Variants in SLMAP observed in about 807,000 individuals in gnomAD.
The protein encoded by SLMAP is sarcolemma associated protein.
A neutral mutation model predicts 128.8 loss-of-function variants in SLMAP; 44 were observed. That is an observed-to-expected ratio of 0.34 (90% CI 0.27 to 0.44). SLMAP has a LOEUF of 0.44. Among genes scored for constraint, SLMAP ranks in the 20% least tolerant of loss-of-function variants. The probability of loss-of-function intolerance (pLI) is 1.00; values close to 1 mark genes in which losing one functional copy is unlikely to be tolerated. For missense variants in SLMAP, 787 were observed against 985.3 expected (o/e 0.80, Z 2.69); for synonymous variants, 327 against 348.8 (o/e 0.94, Z 0.70).
At chr3:57,788,340 A>G (rs1576494622) in intron 2 of SLMAP, among the ~76,000 whole-genome samples, 1 of 152,218 alleles carries the variant, frequency 6.6e-6, no homozygotes, top group African/African-American at 2.4e-5. Flanking sequence ...TTAGAATAGC[A>G]GTCATGGTGA....
At chr3:57,833,275 C>T (rs1323207698) in intron 3 of SLMAP, among the ~76,000 whole-genome samples, 1 of 152,176 alleles carries the variant, frequency 6.6e-6, no homozygotes, top group Non-Finnish European at 1.5e-5. Context: ...TTATAGAATG[C>T]AACTCTTTCC....
At chr3:57,881,436 G>C (rs1174455946) in intron 14 of SLMAP, among the ~76,000 whole-genome samples, 1 of 152,094 alleles carries the variant, frequency 6.6e-6, no homozygotes, top group East Asian at 1.9e-4. Context: ...AGTGGTTACA[G>C]ACTGTTTTAA....
chr3:57,811,065 ATTT>A (rs1321682256), intron 2 of SLMAP, among the ~76,000 whole-genome samples: 1 of 152,216 alleles, frequency 6.6e-6, no homozygotes, highest in East Asian at 1.9e-4. Context: ...CTTTAAAAAA[ATTT>A]TTATTGTGAT....
At chr3:57,881,455 T>A (rs1427183247) in intron 14 of SLMAP, among the ~76,000 whole-genome samples, 4 of 152,102 alleles carry the variant, frequency 2.6e-5, no homozygotes, top group South Asian at 2.1e-4. Context: ...AAACTAGATT[T>A]TTTATTTATT....
At chr3:57,849,679 C>G in intron 5 of SLMAP, 75 bp from the exon 6 acceptor site, 2 of 802,296 alleles carry the variant, frequency 2.5e-6, no homozygotes, top group South Asian at 2.9e-5. Context: ...AGTAAGTAGA[C>G]ATTTCAAGAA....
intron 17 of SLMAP, chr3:57,901,715 A>G (rs145312037): frequency 1.4e-4 from 21 of 152,384 alleles, no homozygotes; most frequent in African/African-American, 5.1e-4. Context: ...GATGGGGGAA[A>G]TCCTATAAAT....
Position 57,920,486 on chromosome 3 carries a change from G to A in SLMAP, c.2311-2403G>A, listed in dbSNP as rs2096897197. 2.0e-5 allele frequency among the ~76,000 whole-genome samples: 3 copies of A among 151,982 alleles called. No homozygotes were observed. In the South Asian group the frequency reaches 6.2e-4, roughly 32 times the overall value. On this transcript the variant is annotated intron_variant, in intron 22 of 24. Coordinates refer to ENST00000671191, the MANE Select transcript of SLMAP (RefSeq NM_001377540.1). ...CCTTCTTAATATTTATCTTTCTTGA[G>A]CATGATGATGGGCTCCTGATAAGTC...
chr3:57,791,873 T>C (rs1560001507), intron 2 of SLMAP, among the ~76,000 whole-genome samples: 1 of 152,122 alleles, frequency 6.6e-6, no homozygotes, highest in Non-Finnish European at 1.5e-5. Context: ...TTTTGCTTGA[T>C]ATTTTAGATG....
intron 2 of SLMAP, among the ~76,000 whole-genome samples, chr3:57,816,990 G>T (rs1393960746): frequency 2.0e-5 from 3 of 152,186 alleles, no homozygotes; most frequent in Non-Finnish European, 2.9e-5. Flanking sequence ...AAAAGAGGAA[G>T]ATTAGGTTAG....
Position 57,912,420 on chromosome 3 carries a change from G to C in SLMAP, c.1739G>C (p.Arg580Pro). 6.2e-7 allele frequency: 1 copy of C among 1,613,386 alleles called. No homozygotes were observed. ...TTACACATCGATACTGAGAATCTCC[G>C]GGAGGAGAAGGACAGTGAAATCACA... ...QRLHIDTENL[R>P]EEKDSEITST... The change falls in exon 20 of 25, where the codon CGG becomes CCG. Residue 580 changes from arginine to proline, a missense_variant. Arg to Pro is a moderately radical substitution (Grantham distance 103). Around this residue, in one of 2 missense-constraint regions of SLMAP, gnomAD observed 715 missense variants for 843.6 expected, o/e 0.85. Transcript: ENST00000671191.
intron 2 of SLMAP, among the ~76,000 whole-genome samples, chr3:57,762,228 C>T (rs1181654142): frequency 2.0e-5 from 3 of 151,298 alleles, no homozygotes. Flanking sequence ...ATTAGCTGGG[C>T]ATGGTGGCAT....
intron 17 of SLMAP, among the ~76,000 whole-genome samples, chr3:57,905,054 G>C (rs973190802): frequency 3.9e-5 from 6 of 152,098 alleles, no homozygotes; most frequent in Admixed American, 2.6e-4. Context: ...CTGGGCAACA[G>C]AGCAAGACCC....
intron 19 of SLMAP, among the ~76,000 whole-genome samples, 199 bp downstream of exon 19, chr3:57,909,349 A>C (rs1250582150): frequency 6.6e-6 from 1 of 151,794 alleles, no homozygotes; most frequent in Non-Finnish European, 1.5e-5. Context: ...TAAAAATACA[A>C]AAATTAGCTG....
chr3:57,917,637 A>T (rs898391758), intron 22 of SLMAP: 1 of 155,122 alleles, frequency 6.4e-6, no homozygotes, highest in African/African-American at 2.4e-5. Context: ...CTTTTTAAAA[A>T]TTTGTGTTGA....
chr3:57,799,510 A>G (rs1300599987), intron 2 of SLMAP, among the ~76,000 whole-genome samples: 1 of 152,172 alleles, frequency 6.6e-6, no homozygotes, highest in African/African-American at 2.4e-5. Flanking sequence ...ATTACTTAGT[A>G]TTTATATTTC....
At chr3:57,782,056 G>A (rs1019541404) in intron 2 of SLMAP, among the ~76,000 whole-genome samples, 1 of 152,126 alleles carries the variant, frequency 6.6e-6, no homozygotes, top group Non-Finnish European at 1.5e-5. Context: ...GCATATCTCC[G>A]TTAGGTAAAT....
intron 2 of SLMAP, among the ~76,000 whole-genome samples, chr3:57,830,550 C>G (rs1374219861): frequency 6.6e-6 from 1 of 152,112 alleles, no homozygotes; most frequent in Non-Finnish European, 1.5e-5. Context: ...CCCAGTTGTG[C>G]TGAAATTTTT....
rs548897709 is a variant in SLMAP, at chr3:57,846,489, TTCTG to T, written c.420-706_420-703del. ...TTCCAGAACTTTGCTTTTTAAGACT[TTCTG>T]TATAGGAATGTTTAATTTTAAAAGA... On this transcript the variant is annotated intron_variant, in intron 4 of 24. Transcript: ENST00000671191. 4.9e-3 allele frequency among the ~76,000 whole-genome samples: 741 copies of T among 152,204 alleles called. 3 individuals are homozygous for T. Among genetic ancestry groups the T allele is most frequent in the Admixed American group, 7.5e-3 (115 of 15,294 alleles).
chr3:57,819,576 C>T (rs1042906133), intron 2 of SLMAP, among the ~76,000 whole-genome samples: 1 of 152,084 alleles, frequency 6.6e-6, no homozygotes. Flanking sequence ...TCTCTCCTAC[C>T]TCTTAATGAC....
Sources: gnomAD v4.1 joint callset for allele counts (sites outside exome capture counted in the v4.1 genomes callset) on GRCh38, gnomAD v4.1.1 for gene constraint, gnomAD v4.1.1 regional missense constraint, MANE v1.5 for transcripts, NCBI Gene and HGNC (gene_info 2026-07-23, HGNC 2026-07-21) for gene names.